Variants in HSD17B4 observed in about 807,000 individuals in gnomAD.
HSD17B4 encodes hydroxysteroid 17-beta dehydrogenase 4.
In HSD17B4, 70 loss-of-function variants were observed where a neutral mutation model predicts 101.0. The observed-to-expected ratio is 0.69, with a 90% confidence interval of 0.57 to 0.85. The LOEUF (loss-of-function observed/expected upper bound fraction) is 0.85, where lower values mean the gene tolerates loss of function less well. Among genes scored for constraint, HSD17B4 ranks in the 40% least tolerant of loss-of-function variants. The probability of loss-of-function intolerance (pLI) is 0.00; values close to 1 mark genes in which losing one functional copy is unlikely to be tolerated. For missense variants in HSD17B4, 984 were observed against 892.4 expected, an observed-to-expected ratio of 1.10 and a Z score of -1.31; for synonymous variants, 347 against 297.1, an observed-to-expected ratio of 1.17 and a Z score of -1.73.
intron 10 of HSD17B4, chr5:119,493,510 G>A (rs1486346647): frequency 6.5e-6 from 2 of 307,720 alleles, no homozygotes; most frequent in Non-Finnish European, 1.3e-5. Context: ...CATGAAGTCA[G>A]TCTTTTGATG....
chr5:119,502,109 C>G lies in HSD17B4; in HGVS notation c.1261+17C>G, dbSNP rs756904109. 2 of 1,465,070 alleles carry G rather than the reference C, an allele frequency of 1.4e-6. No homozygotes were observed. Among genetic ancestry groups the G allele is most frequent in the East Asian group, 2.3e-5 (1 of 44,102 alleles). The allele number at this position is 1,465,070 out of a possible 1,614,324, so 90.8% of individuals were successfully genotyped here. On this transcript the variant is annotated intron_variant, in intron 14 of 23. Coordinates refer to ENST00000510025, the MANE Select transcript of HSD17B4 (RefSeq NM_000414.4). ...CCAGAGCAGGTGAGTTATTGATATACTAATTCCATAATACCATACTTTTAT... is the reference window on the plus strand; with the variant it reads ...CCAGAGCAGGTGAGTTATTGATATAGTAATTCCATAATACCATACTTTTAT...
chr5:119,476,710 T>C (rs966628087), intron 6 of HSD17B4: 23 of 985,344 alleles, frequency 2.3e-5, no homozygotes, highest in Non-Finnish European at 2.8e-5. Flanking sequence ...TTCTTGGTGC[T>C]GCAACGGGAC....
intron 11 of HSD17B4, among the ~76,000 whole-genome samples, chr5:119,494,333 C>CTTTCTTTCTTTCTTTCT (rs1750416316): frequency 8.6e-6 from 1 of 116,580 alleles, no homozygotes; most frequent in Admixed American, 9.0e-5. Context: ...TCTTTTCTTT[C>CTTTCTTTCTTTCTTTCT]TTTCTTTCTT....
chr5:119,482,535 AT>A (rs1749233217), intron 8 of HSD17B4, among the ~76,000 whole-genome samples: 1 of 152,168 alleles, frequency 6.6e-6, no homozygotes, highest in Non-Finnish European at 1.5e-5. Flanking sequence ...AAAGTAAAAA[AT>A]AATACTATTG....
intron 17 of HSD17B4, among the ~76,000 whole-genome samples, chr5:119,516,987 G>C (rs1367793297): frequency 6.6e-6 from 1 of 152,232 alleles, no homozygotes. Context: ...TCCTCTGCCT[G>C]GGCTCCCACT....
At chr5:119,471,690 C>G in intron 2 of HSD17B4, 1 of 1,456,772 alleles carries the variant, frequency 6.9e-7, no homozygotes, top group Non-Finnish European at 9.2e-7. Flanking sequence ...AATGCAGATT[C>G]TTTGTTTCAA....
Position 119,485,424 on chromosome 5 carries a change from T to C in HSD17B4, c.623-3768T>C, listed in dbSNP as rs201544541. ...AGTCTACTTTAGACAAATGACTTAA[T>C]CTTTCTGGATCTGTTTTCTCTTCCA... On this transcript the variant is annotated intron_variant, in intron 8 of 23. Transcript: ENST00000510025. Among the ~76,000 whole-genome samples, 25 of 152,288 alleles carry C rather than the reference T, an allele frequency of 1.6e-4. No individual in the cohort carries two copies. The East Asian group carries it at 4.6e-3, about 28-fold the overall frequency.
intron 20 of HSD17B4, among the ~76,000 whole-genome samples, chr5:119,529,210 CATT>C (rs1418361807): frequency 1.3e-5 from 2 of 152,114 alleles, no homozygotes; most frequent in African/African-American, 4.8e-5. Context: ...TTATCCTATA[CATT>C]TGTAGCAATA....
rs116611097 is a variant in HSD17B4 at position 119,512,230 on chromosome 5, C to T, written c.1438-2751C>T. Among the ~76,000 whole-genome samples, 1,029 of 152,100 alleles carry T rather than the reference C, an allele frequency of 6.8e-3. 14 individuals carry two copies. The highest frequency in any genetic ancestry group is 0.023 in the African/African-American group (975 of 41,498). On this transcript the variant is annotated intron_variant, in intron 16 of 23. Transcript: ENST00000510025. ...AGCCTTAGAGAAAGATGGAGTATCA[C>T]TAAGCACACTAACATTCATATAATG...
intron 7 of HSD17B4, 26 bp downstream of exon 7, chr5:119,477,527 G>C: frequency 1.3e-6 from 2 of 1,504,990 alleles, no homozygotes; most frequent in Non-Finnish European, 1.9e-6. Flanking sequence ...GTTGTCAAGG[G>C]GGATTTAAGA....
chr5:119,521,516 T>A (rs1054088489), intron 17 of HSD17B4, among the ~76,000 whole-genome samples: 1 of 152,138 alleles, frequency 6.6e-6, no homozygotes, highest in African/African-American at 2.4e-5. Flanking sequence ...GTATGTTGAA[T>A]CTTTTCATGT....
At chr5:119,492,025 CT>C in intron 9 of HSD17B4, 74 bp from the exon 10 acceptor site, 2 of 1,258,128 alleles carry the variant, frequency 1.6e-6, no homozygotes, top group Non-Finnish European at 2.3e-6. Context: ...GAGGAGCTGA[CT>C]TTTTTCTAAT....
intron 20 of HSD17B4, among the ~76,000 whole-genome samples, chr5:119,529,570 C>T (rs1753881038): frequency 1.2e-5 from 1 of 82,510 alleles, no homozygotes; most frequent in East Asian, 5.4e-4. Context: ...CAAAAAATGC[C>T]CAAAATACCA....
chr5:119,472,782 A>C (rs772730800), intron 2 of HSD17B4, among the ~76,000 whole-genome samples: 1 of 152,136 alleles, frequency 6.6e-6, no homozygotes, highest in Non-Finnish European at 1.5e-5. Flanking sequence ...CTCCATTTCC[A>C]GCATCTCACT....
chr5:119,516,513 C>T (rs941647267), intron 17 of HSD17B4, among the ~76,000 whole-genome samples: 2 of 151,716 alleles, frequency 1.3e-5, no homozygotes, highest in Admixed American at 6.6e-5. Flanking sequence ...TATTTTGCTG[C>T]GTGACAAAAG....
intron 5 of HSD17B4, 48 bp downstream of exon 5, chr5:119,475,775 A>T: frequency 6.3e-7 from 1 of 1,583,726 alleles, no homozygotes; most frequent in Non-Finnish European, 8.7e-7. Flanking sequence ...AATTTTTTTA[A>T]AAAGTATATA....
intron 13 of HSD17B4, among the ~76,000 whole-genome samples, chr5:119,501,225 T>G (rs1467545994): frequency 2.0e-5 from 3 of 152,096 alleles, no homozygotes; most frequent in South Asian, 2.1e-4. Context: ...AATCCTAGTC[T>G]TCTTAACCTT....
intron 7 of HSD17B4, 50 bp from the exon 8 acceptor site, chr5:119,478,784 G>C (rs765610180): frequency 2.7e-6 from 4 of 1,504,056 alleles, no homozygotes; most frequent in Non-Finnish European, 1.8e-6. Context: ...GAGTTGCAAT[G>C]TTATCAAATT....
intron 2 of HSD17B4, among the ~76,000 whole-genome samples, chr5:119,457,171 T>G (rs549169069): frequency 6.6e-6 from 1 of 152,340 alleles, no homozygotes; most frequent in East Asian, 1.9e-4. Context: ...TGTCCACAAC[T>G]GAGCCTTTCT....
Sources: gnomAD v4.1 joint callset for allele counts (sites outside exome capture counted in the v4.1 genomes callset) on GRCh38, gnomAD v4.1.1 for gene constraint, MANE v1.5 for transcripts, NCBI Gene and HGNC (gene_info 2026-07-23, HGNC 2026-07-21) for gene names.